GPS1: variants seen among roughly 807,000 people sequenced by gnomAD.
GPS1 encodes the protein G protein pathway suppressor 1, also known as COP9 signalosome complex subunit 1.
GPS1 carries 11 observed loss-of-function variants against 60.0 expected under a neutral mutation model. That is an observed-to-expected ratio of 0.18 (90% CI 0.12 to 0.30). The LOEUF (loss-of-function observed/expected upper bound fraction) is 0.30. Among genes scored for constraint, GPS1 ranks in the 10% least tolerant of loss-of-function variants. The pLI, the probability that GPS1 is intolerant of heterozygous loss-of-function variation, is 1.00. For synonymous variants in GPS1, 343 were observed against 269.8 expected (o/e 1.27, Z -2.66); for missense variants, 543 against 669.2 (o/e 0.81, Z 2.08).
intron 1 of GPS1, chr17:82,052,833 G>A: frequency 3.2e-6 from 1 of 310,636 alleles, no homozygotes; most frequent in South Asian, 4.0e-5. Flanking sequence ...TTGCTGCTCC[G>A]CTGCTCAGGA....
chr17:82,053,128 A>G (rs1045987039), intron 1 of GPS1, 146 bp from the exon 2 acceptor site: 3 of 529,418 alleles, frequency 5.7e-6, no homozygotes, highest in African/African-American at 2.0e-5. Context: ...CTGGGAGGGC[A>G]CACCTGGGGG....
chr17:82,052,399 C>G, intron 1 of GPS1: 1 of 1,611,630 alleles, frequency 6.2e-7, no homozygotes, highest in Non-Finnish European at 8.5e-7. Context: ...TCGTCCTGCC[C>G]GGCACGGCCG....
upstream of GPS1, chr17:82,051,510 G>A: frequency 1.4e-6 from 2 of 1,391,398 alleles, no homozygotes; most frequent in South Asian, 1.6e-5. The surrounding 1 kb of genome is among the most constrained non-coding windows in gnomAD (Gnocchi z 4.1). Context: ...CTGCTGGCGG[G>A]CCCGGGAGAT....
Position 82,056,005 on chromosome 17 carries a change from T to C in GPS1, c.839T>C (p.Leu280Pro). 5 of 1,610,638 alleles carry C rather than the reference T, an allele frequency of 3.1e-6. No homozygotes were observed. The highest frequency in any genetic ancestry group is 4.2e-6 in the Non-Finnish European group (5 of 1,178,014). Reference protein sequence around the residue: ...SFDHCDFPELLSPSNVAIYGG... With the variant: ...SFDHCDFPELPSPSNVAIYGG... ...CGCCAGGTCTCTGCTCCTCAGCTGC[T>C]GTCCCCCAGCAACGTGGCCATCTAC... is the stretch of plus-strand genomic sequence containing the variant. The change falls in exon 8 of 13, where the codon CTG becomes CCG. Residue 280 changes from leucine to proline, a missense_variant. Transcript: ENST00000578552.
At chr17:82,051,574 T>C, upstream of GPS1, 1 of 1,354,830 alleles carries the variant, frequency 7.4e-7, no homozygotes, top group Middle Eastern at 2.8e-4. The surrounding 1 kb of genome is among the most constrained non-coding windows in gnomAD (Gnocchi z 4.1). Context: ...CGGGTGGTCT[T>C]GACGGCGATG....
In GPS1 at chr17:82,054,356, C is replaced by T. The variant is rs2031973163; in HGVS notation, c.309-154C>T. ...AGCAGTTCTCTCTGTGGCCCTGGTGCAGACTGGTCCCTAGAGGTGGGGTTT... is the reference window on the plus strand; with the variant it reads ...AGCAGTTCTCTCTGTGGCCCTGGTGTAGACTGGTCCCTAGAGGTGGGGTTT... On this transcript the variant is annotated intron_variant, in intron 3 of 12. Coordinates refer to ENST00000578552, the MANE Select transcript of GPS1 (RefSeq NM_001321092.3). 3.9e-6 allele frequency: 4 copies of T among 1,033,582 alleles called. No individual in the cohort carries two copies. In the South Asian group the frequency reaches 7.0e-5, roughly 18 times the overall value. The allele number at this position is 1,033,582 out of a possible 1,614,324, so 64.0% of individuals were successfully genotyped here.
In GPS1 at chr17:82,054,678, C is replaced by T. The variant is rs367741530; in HGVS notation, c.477C>T (p.Arg159=). ...ACTCCATCAAAGAGAGCATCCGGCGCGGCCACGACGACCTGGGCGACCACT... is the reference window on the plus strand; with the variant it reads ...ACTCCATCAAAGAGAGCATCCGGCGTGGCCACGACGACCTGGGCGACCACT... The part of the protein sequence containing the change: ...KGNSIKESIR[R]GHDDLGDHYL... Residue 159 remains arginine, a synonymous_variant, in exon 4 of 13, where the codon CGC becomes CGT. Coordinates refer to ENST00000578552, the MANE Select transcript of GPS1 (RefSeq NM_001321092.3). 1.7e-5 allele frequency: 28 copies of T among 1,611,506 alleles called. No homozygotes were observed. The African/African-American group carries it at 2.1e-4, about 12-fold the overall frequency.
In GPS1 at chr17:82,057,195, C is replaced by T. The variant is rs775020127; in HGVS notation, c.*68C>T. On this transcript the variant is annotated 3_prime_UTR_variant, in exon 13 of 13. Transcript: ENST00000578552. ...CCTCCACGGACCTCGGACCTCCAGG[C>T]GGCTCAGTGCTGCCTGCGGCCCAGC... 3.6e-5 allele frequency: 57 copies of T among 1,568,196 alleles called. No homozygotes were observed. Among genetic ancestry groups the T allele is most frequent in the Non-Finnish European group, 4.4e-5 (51 of 1,148,120 alleles).
chr17:82,053,440 C>A, intron 2 of GPS1, 74 bp downstream of exon 2: 1 of 1,065,634 alleles, frequency 9.4e-7, no homozygotes, highest in Non-Finnish European at 1.3e-6. Flanking sequence ...CCCGCTGCAG[C>A]CTGCACAGCA....
chr17:82,054,436 G>A (rs1300990354), intron 3 of GPS1, 74 bp from the exon 4 acceptor site: 1 of 1,436,286 alleles, frequency 7.0e-7, no homozygotes, highest in Admixed American at 2.8e-5. Flanking sequence ...AGGGCAGCCT[G>A]AGATTGGCGG....
intron 2 of GPS1, 75 bp downstream of exon 2, chr17:82,053,441 C>G: frequency 9.4e-7 from 1 of 1,064,112 alleles, no homozygotes; most frequent in Non-Finnish European, 1.3e-6. Flanking sequence ...CCGCTGCAGC[C>G]TGCACAGCAG....
In GPS1 at chr17:82,055,387, C is replaced by G; in HGVS notation, c.748+165C>G. On this transcript the variant is annotated intron_variant, in intron 6 of 12. Coordinates refer to ENST00000578552, the MANE Select transcript of GPS1 (RefSeq NM_001321092.3). ...GGTGTAGGTGGTGCCTAAAGTCTGCCCCGGGGAAGCCAGTGGGTGACGTGT... is the reference window on the plus strand; with the variant it reads ...GGTGTAGGTGGTGCCTAAAGTCTGCGCCGGGGAAGCCAGTGGGTGACGTGT... The G allele has an allele frequency of 6.8e-6, 5 of 730,270 alleles. No individual in the cohort carries two copies. The Middle Eastern group carries it at 7.0e-4, about 102-fold the overall frequency. The allele number at this position is 730,270 out of a possible 1,614,324, so 45.2% of individuals were successfully genotyped here. A position where few individuals can be genotyped will look rare whatever the true frequency, so the allele number is the denominator to read the frequency against.
chr17:82,053,756 C>A, intron 2 of GPS1, 112 bp from the exon 3 acceptor site: 1 of 1,094,078 alleles, frequency 9.1e-7, no homozygotes, highest in Non-Finnish European at 1.3e-6. Flanking sequence ...TGGTTATGGG[C>A]CCAGGGCGAC....
chr17:82,057,396 C>A lies in GPS1; in HGVS notation c.*269C>A. ...CACCCAGGCCCAGTGGCACCATTTC[C>A]CAGACCCCTCCTGTTCCCGCCTCAG... On this transcript the variant is annotated 3_prime_UTR_variant, in exon 13 of 13. Coordinates refer to ENST00000578552, the MANE Select transcript of GPS1 (RefSeq NM_001321092.3). The A allele has an allele frequency of 1.5e-6, 1 of 658,718 alleles. No individual in the cohort carries two copies. Among genetic ancestry groups the A allele is most frequent in the Non-Finnish European group, 2.8e-6 (1 of 356,210 alleles). 40.8% of individuals were successfully genotyped at this position (658,718 alleles called of 1,614,324 possible).
Position 82,057,354 on chromosome 17 carries a change from G to A in GPS1, c.*227G>A. On this transcript the variant is annotated 3_prime_UTR_variant, in exon 13 of 13. Transcript: ENST00000578552. ...TCGACCCTGTGGGTTTCTGTCCCCA[G>A]GGAGCAGACTGTGCGGCACCCAGGC... 1.4e-6 allele frequency: 1 copy of A among 708,798 alleles called. No homozygotes were observed. The highest frequency in any genetic ancestry group is 2.5e-6 in the Non-Finnish European group (1 of 392,598). 43.9% of individuals were successfully genotyped at this position (708,798 alleles called of 1,614,324 possible).
chr17:82,051,246 G>C, upstream of GPS1: 1 of 1,334,708 alleles, frequency 7.5e-7, no homozygotes. The surrounding 1 kb of genome is among the most constrained non-coding windows in gnomAD (Gnocchi z 4.1). Flanking sequence ...GAGCGAGAAA[G>C]GCTCGGGGGG....
At chr17:82,053,612 G>A (rs934333406) in intron 2 of GPS1, 5 of 541,422 alleles carry the variant, frequency 9.2e-6, no homozygotes, top group Non-Finnish European at 1.6e-5. Context: ...GCGACCAGCA[G>A]TCACTAGTGG....
chr17:82,054,861 G>GC (rs1226411332), intron 4 of GPS1, 37 bp from the exon 5 acceptor site: 2 of 1,568,982 alleles, frequency 1.3e-6, no homozygotes, highest in African/African-American at 2.7e-5. Context: ...GGCCATTGGG[G>GC]CGCCCGGGCT....
chr17:82,051,848 CG>C, upstream of GPS1: 1 of 1,137,536 alleles, frequency 8.8e-7, no homozygotes, highest in Middle Eastern at 3.7e-4. This position sits in a 1 kb window ranked among gnomAD's most constrained non-coding sequence, Gnocchi z 4.1. Context: ...AAGAACGCAG[CG>C]GCCCCGCCCC....
Sources: gnomAD v4.1 joint callset for allele counts on GRCh38, gnomAD v4.1.1 for gene constraint, Gnocchi (gnomAD v3.1) non-coding constraint, MANE v1.5 for transcripts, NCBI Gene and HGNC (gene_info 2026-07-23, HGNC 2026-07-21) for gene names.